Variants in CNTNAP2 observed in about 807,000 individuals in gnomAD.
CNTNAP2 encodes the protein contactin-associated protein-like 2.
A neutral mutation model predicts 155.2 loss-of-function variants in CNTNAP2; 98 were observed. The observed-to-expected ratio is 0.63, with a 90% confidence interval of 0.54 to 0.75. The LOEUF is 0.75. CNTNAP2 is among the 30% of genes least tolerant of loss of function. The pLI, the probability that CNTNAP2 is intolerant of heterozygous loss-of-function variation, is 0.00. For synonymous variants in CNTNAP2, 651 were observed against 631.2 expected (o/e 1.03, Z -0.47); for missense variants, 1,727 against 1,688.1 (o/e 1.02, Z -0.40).
intron 21 of CNTNAP2, among the ~76,000 whole-genome samples, chr7:148,274,239 G>A (rs1296368204): frequency 6.6e-6 from 1 of 151,804 alleles, no homozygotes; most frequent in Non-Finnish European, 1.5e-5. Context: ...TGAACATATA[G>A]CATGAGATAA....
At chr7:147,723,076 A>T (rs1796588617) in intron 13 of CNTNAP2, among the ~76,000 whole-genome samples, 1 of 152,052 alleles carries the variant, frequency 6.6e-6, no homozygotes, top group Non-Finnish European at 1.5e-5. Flanking sequence ...TTGAGAAATG[A>T]AGTGACTTCT....
At chr7:146,564,300 G>C (rs1445995661) in intron 1 of CNTNAP2, among the ~76,000 whole-genome samples, 1 of 151,948 alleles carries the variant, frequency 6.6e-6, no homozygotes, top group Non-Finnish European at 1.5e-5. Context: ...TTGAAGTCCT[G>C]TTCAACTCTG....
At chr7:146,883,205 TTTTA>T (rs1397232316) in intron 3 of CNTNAP2, among the ~76,000 whole-genome samples, 6 of 152,174 alleles carry the variant, frequency 3.9e-5, no homozygotes, top group African/African-American at 1.2e-4. Context: ...TTTTCAAAAT[TTTTA>T]TTTATTTCAA....
At chr7:147,319,152 G>C (rs926252414) in intron 9 of CNTNAP2, among the ~76,000 whole-genome samples, 1 of 152,026 alleles carries the variant, frequency 6.6e-6, no homozygotes, top group Non-Finnish European at 1.5e-5. Context: ...TTCCAGTATA[G>C]AATGTCCATA....
chr7:147,342,879 A>G (rs1249670932), intron 9 of CNTNAP2, among the ~76,000 whole-genome samples: 1 of 152,176 alleles, frequency 6.6e-6, no homozygotes. Flanking sequence ...ATGCATGAAT[A>G]AATGAGCCCC....
intron 15 of CNTNAP2, among the ~76,000 whole-genome samples, chr7:148,114,003 G>T (rs1229332599): frequency 6.6e-6 from 1 of 152,142 alleles, no homozygotes; most frequent in Non-Finnish European, 1.5e-5. Context: ...CCTGGTCCCT[G>T]CCACCTCCTT....
chr7:147,132,658 C>G, intron 8 of CNTNAP2, 149 bp downstream of exon 8: 1 of 1,106,710 alleles, frequency 9.0e-7, no homozygotes, highest in Non-Finnish European at 1.3e-6. Flanking sequence ...GTAGTGTGTG[C>G]TGATTGAATA....
chr7:147,539,051 T>C (rs1799596850), intron 11 of CNTNAP2, among the ~76,000 whole-genome samples: 1 of 152,198 alleles, frequency 6.6e-6, no homozygotes, highest in Admixed American at 6.5e-5. Flanking sequence ...TCTAGACAGT[T>C]CTGATTTTAG....
chr7:146,665,800 A>AAAAAAAAAAAAAC (rs1563179456), intron 1 of CNTNAP2, among the ~76,000 whole-genome samples: 1 of 144,706 alleles, frequency 6.9e-6, no homozygotes, highest in African/African-American at 2.7e-5. Flanking sequence ...AAAAAAAAAT[A>AAAAAAAAAAAAAC]CATTTTGTAA....
intron 19 of CNTNAP2, among the ~76,000 whole-genome samples, chr7:148,222,679 G>A (rs1352747042): frequency 1.3e-5 from 2 of 152,176 alleles, no homozygotes; most frequent in African/African-American, 4.8e-5. Flanking sequence ...CCTGAGTTTT[G>A]GAGGGGATAT....
intron 21 of CNTNAP2, among the ~76,000 whole-genome samples, chr7:148,355,164 T>C (rs1798489539): frequency 7.6e-6 from 1 of 132,304 alleles, no homozygotes; most frequent in Non-Finnish European, 1.6e-5. Flanking sequence ...AGCCGCCAGC[T>C]GCTTTTTTTT....
intron 1 of CNTNAP2, among the ~76,000 whole-genome samples, chr7:146,419,820 T>C (rs772374122): frequency 4.6e-5 from 7 of 152,136 alleles, no homozygotes; most frequent in Non-Finnish European, 1.0e-4. Context: ...AACACTGAAC[T>C]TCTTTGAAAG....
intron 21 of CNTNAP2, among the ~76,000 whole-genome samples, chr7:148,352,188 C>G (rs1166997282): frequency 6.6e-6 from 1 of 152,080 alleles, no homozygotes; most frequent in Admixed American, 6.6e-5. Context: ...GTGACATGGT[C>G]TGATTTATGT....
intron 10 of CNTNAP2, among the ~76,000 whole-genome samples, chr7:147,475,761 A>G (rs2888505): frequency 0.64 from 96,863 of 151,988 alleles, 31,326 homozygotes; most frequent in African/African-American, 0.74. Flanking sequence ...TTATTGCCAC[A>G]TACGTTTAAA....
At chr7:146,977,788 T>C (rs1372011000) in intron 3 of CNTNAP2, among the ~76,000 whole-genome samples, 1 of 152,202 alleles carries the variant, frequency 6.6e-6, no homozygotes, top group Non-Finnish European at 1.5e-5. Flanking sequence ...CCAAGTGAAA[T>C]GCCTTTGCGC....
At chr7:148,185,995 A>G (rs1795109824) in intron 18 of CNTNAP2, among the ~76,000 whole-genome samples, 1 of 152,370 alleles carries the variant, frequency 6.6e-6, no homozygotes, top group African/African-American at 2.4e-5. Flanking sequence ...AATATCAAGG[A>G]CTATTCCAAA....
intron 1 of CNTNAP2, among the ~76,000 whole-genome samples, chr7:146,496,038 C>T (rs113966247): frequency 3.3e-5 from 5 of 152,234 alleles, no homozygotes; most frequent in African/African-American, 1.2e-4. Flanking sequence ...CCCAGATGTG[C>T]CTTGATTGAG....
Position 146,116,935 on chromosome 7 carries a change from G to C in CNTNAP2, c.59G>C (p.Ser20Thr). 6.4e-7 allele frequency: 1 copy of C among 1,552,262 alleles called. No homozygotes were observed. The highest frequency in any genetic ancestry group is 8.7e-7 in the Non-Finnish European group (1 of 1,147,572). The part of the protein sequence containing the change: ...GAALLLWIVS[S>T]CLCRAWTAPS... ...GCGCTCCTGCTGTGGATTGTCAGCA[G>C]CTGCCTCTGCAGAGCCTGGACGGCT... Residue 20 changes from serine (S) to threonine (T), a missense_variant, in exon 1 of 24, where the codon AGC becomes ACC. Coordinates refer to ENST00000361727, the MANE Select transcript of CNTNAP2 (RefSeq NM_014141.6). The surrounding 1 kb of genome is among the most constrained non-coding windows in gnomAD (Gnocchi z 5.5).
intron 1 of CNTNAP2, among the ~76,000 whole-genome samples, chr7:146,124,899 A>G (rs917904429): frequency 6.6e-6 from 1 of 152,312 alleles, no homozygotes; most frequent in African/African-American, 2.4e-5. Context: ...TTCTCCACAC[A>G]ATATGCCAGA....
Sources: allele counts gnomAD v4.1 joint callset (sites outside exome capture counted in the v4.1 genomes callset), GRCh38; gene constraint gnomAD v4.1.1; non-coding constraint Gnocchi (gnomAD v3.1); transcripts MANE v1.5; gene names NCBI Gene and HGNC (gene_info 2026-07-23, HGNC 2026-07-21).